Variants in FBXO10 observed in about 807,000 individuals in gnomAD.
FBXO10 encodes the protein F-box protein 10.
In FBXO10, 39 loss-of-function variants were observed where a neutral mutation model predicts 80.7. The observed-to-expected ratio is 0.48, with a 90% CI of 0.37 to 0.63. The LOEUF (loss-of-function observed/expected upper bound fraction) is 0.63. Among genes scored for constraint, FBXO10 ranks in the 30% least tolerant of loss-of-function variants. The probability of loss-of-function intolerance (pLI) is 0.00; values close to 1 mark genes in which losing one functional copy is unlikely to be tolerated. For synonymous variants in FBXO10, 449 were observed against 489.6 expected (o/e 0.92, Z 1.09); for missense variants, 1,025 against 1,269.0 (o/e 0.81, Z 2.92).
rs141664355 is a variant in FBXO10, at chr9:37,537,067, T to C, written c.1419+43A>G. The C allele has an allele frequency of 0.013, 19,303 of 1,475,818 alleles. 157 individuals are homozygous for C. Among genetic ancestry groups the C allele is most frequent in the Non-Finnish European group, 0.016 (17,148 of 1,085,946 alleles). The allele number at this position is 1,475,818 out of a possible 1,614,324, so 91.4% of individuals were successfully genotyped here. On this transcript the variant is annotated intron_variant, in intron 3 of 10. Transcript: ENST00000432825. ...AGCCCCATCAAACCCTTCCTACATA[T>C]AGCCACAGGAGCCCCCTGACCAATC...
At chr9:37,537,971 G>A in intron 2 of FBXO10, 28 bp from the exon 3 acceptor site, 1 of 1,580,932 alleles carries the variant, frequency 6.3e-7, no homozygotes, top group Non-Finnish European at 8.7e-7. Context: ...GAAAACGGCT[G>A]TAAGAGGGAT....
At chr9:37,521,060 TG>T (rs1821332046) in intron 8 of FBXO10, among the ~76,000 whole-genome samples, 1 of 152,124 alleles carries the variant, frequency 6.6e-6, no homozygotes, top group South Asian at 2.1e-4. Context: ...GACGTGTGGA[TG>T]GGAGAAAGGC....
At position 37,541,440 on chromosome 9, in the gene FBXO10, AGG is replaced by A. The variant is rs1453012142; in HGVS notation, c.327_328del (p.Leu110GlufsTer7). On this transcript the variant is annotated frameshift_variant, in exon 2 of 11. Coordinates refer to ENST00000432825, the MANE Select transcript of FBXO10 (RefSeq NM_012166.3). LOFTEE classifies it high-confidence loss of function. ...AAACTCACGGCCTGGCCCAACACTC[AGG>A]GTACGTCGTTCCCTCCTCCGGCGGA... is the stretch of plus-strand genomic sequence containing the variant. The A allele has an allele frequency of 1.2e-6, 2 of 1,613,922 alleles. No individual in the cohort carries two copies. Among genetic ancestry groups the A allele is most frequent in the East Asian group, 2.2e-5 (1 of 44,890 alleles).
chr9:37,569,248 T>A, intron 1 of FBXO10, among the ~76,000 whole-genome samples: 2 of 141,154 alleles, frequency 1.4e-5, no homozygotes, highest in East Asian at 2.1e-4. Context: ...CACTATCAGG[T>A]AAAGTATAAG....
intron 3 of FBXO10, among the ~76,000 whole-genome samples, chr9:37,534,772 CCTAA>C (rs756344079): frequency 2.0e-5 from 3 of 152,116 alleles, no homozygotes; most frequent in Non-Finnish European, 2.9e-5. Flanking sequence ...GTTCTTTCCC[CCTAA>C]CTCTCTTACA....
At chr9:37,516,960 CA>C (rs56108001) in intron 9 of FBXO10, among the ~76,000 whole-genome samples, 34 of 112,428 alleles carry the variant, frequency 3.0e-4, no homozygotes, top group East Asian at 9.2e-4. Flanking sequence ...AACTCCATCT[CA>C]AAAAAAAAAA....
rs764266529 is a variant in FBXO10, at chr9:37,537,859, TC to T, written c.669del (p.Lys224SerfsTer33). 1.2e-6 allele frequency: 2 copies of T among 1,613,940 alleles called. No individual in the cohort carries two copies. Among genetic ancestry groups the T allele is most frequent in the South Asian group, 1.1e-5 (1 of 91,078 alleles). ...IQVHGPGTCQ[V>X]KFCTFKNTHI... ...TGGGTGTTTTTGAAGGTACAGAACTTCACTTGGCAAGTACCCGGGCCATGGA... is the reference window on the plus strand; with the variant it reads ...TGGGTGTTTTTGAAGGTACAGAACTTACTTGGCAAGTACCCGGGCCATGGA... On this transcript the variant is annotated frameshift_variant, in exon 3 of 11. Transcript: ENST00000432825. LOFTEE classifies it high-confidence loss of function.
At chr9:37,552,705 A>G (rs978593900) in intron 1 of FBXO10, among the ~76,000 whole-genome samples, 2 of 151,954 alleles carry the variant, frequency 1.3e-5, no homozygotes, top group African/African-American at 4.8e-5. Flanking sequence ...AAAAAAAAAA[A>G]AAAAAAAGAA....
At chr9:37,529,056 T>G in intron 5 of FBXO10, 68 bp downstream of exon 5, 1 of 1,591,842 alleles carries the variant, frequency 6.3e-7, no homozygotes, top group Non-Finnish European at 8.6e-7. Context: ...CCGTAAAGAG[T>G]GTTTTCAAAT....
intron 1 of FBXO10, among the ~76,000 whole-genome samples, chr9:37,572,373 T>C (rs996189880): frequency 1.3e-5 from 2 of 152,034 alleles, no homozygotes; most frequent in Admixed American, 6.6e-5. Context: ...TTCAAATACA[T>C]CAGAAAATAT....
intron 1 of FBXO10, among the ~76,000 whole-genome samples, chr9:37,569,848 C>T (rs1822703328): frequency 6.6e-6 from 1 of 152,058 alleles, no homozygotes; most frequent in South Asian, 2.1e-4. Flanking sequence ...AACAAACCAA[C>T]CAACCAAAAA....
At chr9:37,536,050 G>C (rs1334617324) in intron 3 of FBXO10, 1 of 152,110 alleles carries the variant, frequency 6.6e-6, no homozygotes, top group Non-Finnish European at 1.5e-5. Flanking sequence ...CTTGCATTAT[G>C]CTTTCAAAGT....
intron 1 of FBXO10, among the ~76,000 whole-genome samples, chr9:37,548,322 T>C (rs1588848279): frequency 6.6e-6 from 1 of 151,274 alleles, no homozygotes; most frequent in Non-Finnish European, 1.5e-5. Context: ...GAGGCGGAGG[T>C]TGCAGTGAGC....
intron 1 of FBXO10, among the ~76,000 whole-genome samples, chr9:37,571,714 C>CATATATAT (rs71494672): frequency 0.015 from 1,438 of 92,992 alleles, 35 homozygotes; most frequent in African/African-American, 0.036. Flanking sequence ...AAAAGAGAGC[C>CATATATAT]ATATATATAT....
intron 1 of FBXO10, among the ~76,000 whole-genome samples, chr9:37,571,579 C>G (rs1419508198): frequency 3.3e-5 from 5 of 151,826 alleles, no homozygotes; most frequent in Middle Eastern, 6.8e-3. Context: ...TCTCCTCCCC[C>G]AATCCAGCTT....
intron 1 of FBXO10, among the ~76,000 whole-genome samples, chr9:37,544,823 T>C (rs940253575): frequency 6.6e-6 from 1 of 151,380 alleles, no homozygotes; most frequent in African/African-American, 2.4e-5. Context: ...TGAAACCCCG[T>C]CTCTACTAAA....
At chr9:37,557,384 G>A (rs10117312) in intron 1 of FBXO10, among the ~76,000 whole-genome samples, 84,200 of 151,882 alleles carry the variant, frequency 0.55, 24,281 homozygotes, top group African/African-American at 0.73. Flanking sequence ...CTCTGCCTCT[G>A]ATTATTCTTT....
At chr9:37,526,679 T>C (rs1821479746) in intron 5 of FBXO10, among the ~76,000 whole-genome samples, 1 of 152,154 alleles carries the variant, frequency 6.6e-6, no homozygotes, top group Admixed American at 6.5e-5. Context: ...GTGTTCTATC[T>C]GGAGGCTCCG....
At chr9:37,551,621 G>A (rs1451901879) in intron 1 of FBXO10, among the ~76,000 whole-genome samples, 1 of 152,222 alleles carries the variant, frequency 6.6e-6, no homozygotes, top group Non-Finnish European at 1.5e-5. Flanking sequence ...TGAGCTCCAA[G>A]GTTCCAAGAG....
Sources: gnomAD v4.1 joint callset for allele counts (sites outside exome capture counted in the v4.1 genomes callset) on GRCh38, gnomAD v4.1.1 for gene constraint, MANE v1.5 for transcripts, NCBI Gene and HGNC (gene_info 2026-07-23, HGNC 2026-07-21) for gene names.